Variants in RNF168 observed in about 807,000 individuals in gnomAD.
RNF168 encodes ring finger protein 168, also known as E3 ubiquitin-protein ligase RNF168.
In RNF168, 34 loss-of-function variants were observed where a neutral mutation model predicts 34.9. The observed-to-expected ratio is 0.97, with a 90% CI of 0.74 to 1.30. The LOEUF (loss-of-function observed/expected upper bound fraction) is 1.30. Ranked by LOEUF, RNF168 falls within the 50% of genes most tolerant of loss-of-function variation. The pLI, the probability that RNF168 is intolerant of heterozygous loss-of-function variation, is 0.00. For missense variants in RNF168, 725 were observed against 682.5 expected (o/e 1.06, Z -0.69); for synonymous variants, 264 against 254.7 (o/e 1.04, Z -0.35).
chr3:196,490,699 A>C (rs1312127615), intron 1 of RNF168, among the ~76,000 whole-genome samples: 18 of 152,228 alleles, frequency 1.2e-4, no homozygotes, highest in Admixed American at 1.2e-3. Flanking sequence ...AAACATGCAC[A>C]CAGGATTCCT....
chr3:196,475,554 T>TTTC (rs1732126369), intron 4 of RNF168, among the ~76,000 whole-genome samples: 1 of 147,178 alleles, frequency 6.8e-6, no homozygotes, highest in African/African-American at 2.5e-5. Context: ...TATTTTTTCT[T>TTTC]TTTTTTTTTT....
Position 196,471,860 on chromosome 3 carries a change from G to A in RNF168, c.1675C>T (p.Gln559Ter), listed in dbSNP as rs1171511395. The A allele has an allele frequency of 1.2e-6, 2 of 1,613,872 alleles. No individual in the cohort carries two copies. ...TGAAACATCTGAAAAACACTTTTCT[G>A]TGAAATGCTAGGCTGTAGGGAGTGA... ...SAHSLQPSISQKSVFQMFQRC... is the reference protein window; with the variant it reads ...SAHSLQPSIS The change falls in exon 6 of 6, where the codon CAG becomes TAG. Residue 559 changes from glutamine (Q) to a stop codon, truncating the protein, a stop_gained. Coordinates refer to ENST00000318037, the MANE Select transcript of RNF168 (RefSeq NM_152617.4). LOFTEE classifies it high-confidence loss of function.
rs115397223 is a variant in RNF168, at chr3:196,472,426, C to T, written c.1109G>A (p.Gly370Asp). 1.2e-5 allele frequency: 20 copies of T among 1,613,730 alleles called. No individual in the cohort carries two copies. In the African/African-American group the frequency reaches 2.4e-4, roughly 19 times the overall value. Residue 370 changes from glycine (G) to aspartate (D), a missense_variant, in exon 6 of 6, where the codon GGT becomes GAT. Coordinates refer to ENST00000318037, the MANE Select transcript of RNF168 (RefSeq NM_152617.4). ...GVTQTNGNNT[G>D]ETENEESCLL... is the part of the protein sequence containing the mutation. Reference sequence around the variant, plus strand: ...GCACGACTCTTCATTTTCTGTCTCACCTGTGTTGTTTCCATTTGTCTGTGT... The same window carrying T: ...GCACGACTCTTCATTTTCTGTCTCATCTGTGTTGTTTCCATTTGTCTGTGT...
chr3:196,492,093 G>C (rs2108652188), intron 1 of RNF168, among the ~76,000 whole-genome samples: 1 of 152,330 alleles, frequency 6.6e-6, no homozygotes, highest in Non-Finnish European at 1.5e-5. Flanking sequence ...TGTACTTCAT[G>C]TCACGCAACT....
intron 3 of RNF168, among the ~76,000 whole-genome samples, chr3:196,486,326 T>C (rs553469388): frequency 3.3e-5 from 5 of 152,080 alleles, no homozygotes; most frequent in African/African-American, 4.8e-5. Context: ...CTTTATATAA[T>C]CCTTTTTAGG....
At chr3:196,493,189 C>T (rs964234322) in intron 1 of RNF168, among the ~76,000 whole-genome samples, 3 of 152,112 alleles carry the variant, frequency 2.0e-5, no homozygotes, top group African/African-American at 7.2e-5. Flanking sequence ...AGGAAAGGCA[C>T]GTGCGATTTA....
chr3:196,498,281 C>T (rs899211089), intron 1 of RNF168, among the ~76,000 whole-genome samples: 17 of 152,020 alleles, frequency 1.1e-4, no homozygotes, highest in African/African-American at 3.4e-4. Context: ...CTCAGCCTCC[C>T]GAGTGGCTGG....
At chr3:196,486,670 C>T (rs1003884446) in intron 3 of RNF168, among the ~76,000 whole-genome samples, 1 of 152,112 alleles carries the variant, frequency 6.6e-6, no homozygotes, top group Admixed American at 6.5e-5. Context: ...ATAGTGGTTA[C>T]CTTTGGGGAT....
intron 3 of RNF168, among the ~76,000 whole-genome samples, chr3:196,484,347 A>AC (rs1553862024): frequency 6.8e-6 from 1 of 147,890 alleles, no homozygotes; most frequent in Non-Finnish European, 1.5e-5. Context: ...AATTTTTTGT[A>AC]TTTTTTTTAG....
At chr3:196,492,777 CAAATAAAT>C (rs553940481) in intron 1 of RNF168, among the ~76,000 whole-genome samples, 17 of 151,390 alleles carry the variant, frequency 1.1e-4, no homozygotes, top group African/African-American at 1.5e-4. Flanking sequence ...GACTCCATCT[CAAATAAAT>C]AAATAAATAA....
intron 4 of RNF168, among the ~76,000 whole-genome samples, chr3:196,476,803 C>T (rs1732160970): frequency 6.6e-6 from 1 of 150,952 alleles, no homozygotes. Flanking sequence ...GCTGGAGTGC[C>T]GTGACATGAT....
rs1202002792 is a variant in RNF168, at chr3:196,471,913, CTAG to C, written c.1619_1621del (p.Thr540del). 6.2e-7 allele frequency: 1 copy of C among 1,613,894 alleles called. No individual in the cohort carries two copies. The highest frequency in any genetic ancestry group is 1.1e-5 in the South Asian group (1 of 91,070). ...ACTTTTGGATACCTTACAGTGATCT[CTAG>C]TAGAATTTGGCATCTTTCTTCTATT... On this transcript the variant is annotated inframe_deletion, in exon 6 of 6. Coordinates refer to ENST00000318037, the MANE Select transcript of RNF168 (RefSeq NM_152617.4).
At chr3:196,480,707 A>G (rs1043518634) in intron 4 of RNF168, among the ~76,000 whole-genome samples, 3 of 152,180 alleles carry the variant, frequency 2.0e-5, no homozygotes, top group African/African-American at 7.2e-5. Context: ...CAGTGGTAAA[A>G]TCACAGCTCA....
chr3:196,501,552 A>C (rs1323927807), intron 1 of RNF168, among the ~76,000 whole-genome samples: 1 of 152,154 alleles, frequency 6.6e-6, no homozygotes, highest in Non-Finnish European at 1.5e-5. Flanking sequence ...GAAGGTGCCG[A>C]GGCTGGGGGG....
intron 1 of RNF168, among the ~76,000 whole-genome samples, chr3:196,501,944 CTT>C (rs1732897817): frequency 6.8e-6 from 1 of 146,482 alleles, no homozygotes. Context: ...TTGAATAAAG[CTT>C]TTTCTTTTAA....
At chr3:196,497,601 T>C (rs1006740106) in intron 1 of RNF168, among the ~76,000 whole-genome samples, 10 of 150,198 alleles carry the variant, frequency 6.7e-5, no homozygotes, top group African/African-American at 2.2e-4. Context: ...ACCTGGGAGG[T>C]GGAGGTTGCA....
chr3:196,496,407 G>A (rs144977242), intron 1 of RNF168, among the ~76,000 whole-genome samples: 5 of 152,142 alleles, frequency 3.3e-5, no homozygotes, highest in African/African-American at 4.8e-5. Context: ...CCAGCCTCAC[G>A]TGGTACTCTG....
chr3:196,472,008 T>C lies in RNF168; in HGVS notation c.1527A>G (p.Thr509=). ...FKRQTHTKHP[T]PERGSRDKNR... is the part of the protein sequence containing the mutation. Reference sequence around the variant, plus strand: ...TTTTGTCCCTTGAGCCTCTCTCTGGTGTTGGATGCTTTGTGTGAGTTTGCC... The same window carrying C: ...TTTTGTCCCTTGAGCCTCTCTCTGGCGTTGGATGCTTTGTGTGAGTTTGCC... The change falls in exon 6 of 6, where the codon ACA becomes ACG. Residue 509 remains threonine (T), a synonymous_variant. Transcript: ENST00000318037. 3 of 1,614,168 alleles carry C rather than the reference T, an allele frequency of 1.9e-6. No homozygotes were observed. The highest frequency in any genetic ancestry group is 2.5e-6 in the Non-Finnish European group (3 of 1,180,010).
At chr3:196,501,327 T>C (rs1339583867) in intron 1 of RNF168, among the ~76,000 whole-genome samples, 1 of 152,066 alleles carries the variant, frequency 6.6e-6, no homozygotes, top group African/African-American at 2.4e-5. Context: ...AAAAAACCAA[T>C]GTCCAGCCAA....
Sources: allele counts gnomAD v4.1 joint callset (sites outside exome capture counted in the v4.1 genomes callset), GRCh38; gene constraint gnomAD v4.1.1; transcripts MANE v1.5; gene names NCBI Gene and HGNC (gene_info 2026-07-23, HGNC 2026-07-21).